Variants in TRIB3 observed in about 807,000 individuals in gnomAD.
TRIB3 encodes the protein tribbles pseudokinase 3.
Under a neutral mutation model 16.6 loss-of-function variants are expected in TRIB3, and 20 were observed. The ratio of observed to expected loss-of-function variants is 1.20; its 90% CI spans 0.85 to 1.75. The LOEUF is 1.75. Ranked by LOEUF, TRIB3 falls within the 40% of genes most tolerant of loss-of-function variation. The pLI, the probability that TRIB3 is intolerant of heterozygous loss-of-function variation, is 0.00. For synonymous variants in TRIB3, 208 were observed against 217.0 expected, an observed-to-expected ratio of 0.96 and a Z score of 0.36; for missense variants, 484 against 488.9, an observed-to-expected ratio of 0.99 and a Z score of 0.10.
At chr20:382,440 A>G in intron 1 of TRIB3, 1 of 1,227,978 alleles carries the variant, frequency 8.1e-7, no homozygotes, top group Non-Finnish European at 1.1e-6. Context: ...CAGGGCACAA[A>G]GCATGTGCAC....
At chr20:388,389 T>A in intron 2 of TRIB3, 88 bp downstream of exon 2, 1 of 1,424,754 alleles carries the variant, frequency 7.0e-7, no homozygotes, top group Non-Finnish European at 9.3e-7. Flanking sequence ...AGAGGGGTCC[T>A]TATGTTCATT....
At chr20:386,512 G>A (rs958650943) in intron 1 of TRIB3, among the ~76,000 whole-genome samples, 8 of 152,024 alleles carry the variant, frequency 5.3e-5, no homozygotes, top group Admixed American at 2.0e-4. Flanking sequence ...GGGTTCAAGC[G>A]ATTCTCCTGC....
At chr20:385,257 C>A (rs182084643) in intron 1 of TRIB3, among the ~76,000 whole-genome samples, 16 of 152,046 alleles carry the variant, frequency 1.1e-4, no homozygotes, top group Middle Eastern at 6.8e-3. Context: ...GGATTACAGG[C>A]GTGTGCCACC....
At chr20:381,898 G>A (rs960216893) in intron 1 of TRIB3, among the ~76,000 whole-genome samples, 1 of 152,176 alleles carries the variant, frequency 6.6e-6, no homozygotes, top group Non-Finnish European at 1.5e-5. Flanking sequence ...CGGGGAGGGC[G>A]GGGGACGACA....
At chr20:396,123 A>C in intron 3 of TRIB3, 75 bp from the exon 4 acceptor site, 2 of 1,537,952 alleles carry the variant, frequency 1.3e-6, no homozygotes, top group Non-Finnish European at 1.8e-6. Context: ...TGGGTGCCAC[A>C]AGGGTGATAG....
chr20:381,719 G>T (rs1389821400), intron 1 of TRIB3, among the ~76,000 whole-genome samples: 1 of 146,854 alleles, frequency 6.8e-6, no homozygotes, highest in African/African-American at 2.5e-5. Flanking sequence ...AGGGGACACC[G>T]CCGGGACAGG....
chr20:382,865 G>C (rs1295007663), intron 1 of TRIB3, among the ~76,000 whole-genome samples: 2 of 152,192 alleles, frequency 1.3e-5, no homozygotes, highest in Non-Finnish European at 2.9e-5. Flanking sequence ...CACTCATGTG[G>C]GGAGGCCTTC....
Position 388,229 on chromosome 20 carries a change from C to T in TRIB3, c.219C>T (p.Leu73=). Residue 73 remains leucine (L), a synonymous_variant, in exon 2 of 4, where the codon CTC becomes CTT. Coordinates refer to ENST00000217233, the MANE Select transcript of TRIB3 (RefSeq NM_021158.5). ...CCTCCCGTCTTGGGCCCTATGTCCTCCTGGAGCCCGAGGAGGGCGGGCGGG... is the reference window on the plus strand; with the variant it reads ...CCTCCCGTCTTGGGCCCTATGTCCTTCTGGAGCCCGAGGAGGGCGGGCGGG... ...ATASRLGPYV[L]LEPEEGGRAY... is the part of the protein sequence containing the mutation. 2 of 1,613,792 alleles carry T rather than the reference C, an allele frequency of 1.2e-6. No homozygotes were observed. Among genetic ancestry groups the T allele is most frequent in the Non-Finnish European group, 1.7e-6 (2 of 1,180,028 alleles).
At chr20:390,957 G>A (rs1283856091) in intron 2 of TRIB3, among the ~76,000 whole-genome samples, 1 of 143,292 alleles carries the variant, frequency 7.0e-6, no homozygotes, top group Non-Finnish European at 1.5e-5. Flanking sequence ...AGCTGAGATT[G>A]CGCCAGTGTG....
chr20:388,239 G>A lies in TRIB3; in HGVS notation c.229G>A (p.Glu77Lys), dbSNP rs61740293. The change falls in exon 2 of 4, where the codon GAG (glutamate) becomes AAG (lysine). Residue 77 changes from glutamate to lysine, a missense_variant. Transcript: ENST00000217233. ...TGGGCCCTATGTCCTCCTGGAGCCCGAGGAGGGCGGGCGGGCCTACCAGGC... is the reference window on the plus strand; with the variant it reads ...TGGGCCCTATGTCCTCCTGGAGCCCAAGGAGGGCGGGCGGGCCTACCAGGC... ...RLGPYVLLEP[E>K]EGGRAYQALH... is the part of the protein sequence containing the mutation. The A allele has an allele frequency of 3.0e-4, 478 of 1,613,506 alleles. No homozygotes were observed. The African/African-American group carries it at 5.4e-3, about 18-fold the overall frequency.
Position 396,455 on chromosome 20 carries a change from C to T in TRIB3, c.842C>T (p.Pro281Leu). The T allele has an allele frequency of 6.2e-7, 1 of 1,612,862 alleles. No homozygotes were observed. The highest frequency in any genetic ancestry group is 8.5e-7 in the Non-Finnish European group (1 of 1,180,000). Residue 281 changes from proline to leucine, a missense_variant, in exon 4 of 4, where the codon CCT (proline) becomes CTT (leucine). By Grantham distance (98) the Pro-to-Leu change is moderately conservative. Coordinates refer to ENST00000217233, the MANE Select transcript of TRIB3 (RefSeq NM_021158.5). ...ATCCGCCGCGGGGCCTACGCCTTGC[C>T]TGCAGGCCTCTCGGCCCCTGCCCGC... is the stretch of plus-strand genomic sequence containing the variant. ...GKIRRGAYAL[P>L]AGLSAPARCL...
intron 3 of TRIB3, among the ~76,000 whole-genome samples, chr20:392,291 C>T (rs1165377859): frequency 6.6e-6 from 1 of 152,114 alleles, no homozygotes; most frequent in Non-Finnish European, 1.5e-5. Flanking sequence ...AGATCTGACT[C>T]CAGAGCCTGG....
chr20:388,252 G>T lies in TRIB3; in HGVS notation c.242G>T (p.Arg81Leu), dbSNP rs143437909. ...CTCCTGGAGCCCGAGGAGGGCGGGC[G>T]GGCCTACCAGGCCCTGCACTGCCCT... is the stretch of plus-strand genomic sequence containing the variant. ...YVLLEPEEGG[R>L]AYQALHCPTG... The change falls in exon 2 of 4, where the codon CGG becomes CTG. Residue 81 changes from arginine (R) to leucine (L), a missense_variant. Physicochemically the swap from Arg to Leu is moderately radical, Grantham distance 102 (BLOSUM62 -2). Coordinates refer to ENST00000217233, the MANE Select transcript of TRIB3 (RefSeq NM_021158.5). 1 of 1,613,320 alleles carries T rather than the reference G, an allele frequency of 6.2e-7. No homozygotes were observed. The highest frequency in any genetic ancestry group is 2.2e-5 in the East Asian group (1 of 44,878).
Position 394,830 on chromosome 20 carries a change from A to T in TRIB3, c.585-1368A>T, listed in dbSNP as rs986893880. On this transcript the variant is annotated intron_variant, in intron 3 of 3. Coordinates refer to ENST00000217233, the MANE Select transcript of TRIB3 (RefSeq NM_021158.5). ...AAAAAAGAAAAATCACATGAGAGTC[A>T]TTGGTAGAAGAGGGACCGTGAGTTA... 5.3e-5 allele frequency among the ~76,000 whole-genome samples: 8 copies of T among 152,114 alleles called. No individual in the cohort carries two copies. In the South Asian group the frequency reaches 1.5e-3, roughly 28 times the overall value.
At position 391,421 on chromosome 20, in the gene TRIB3, G is replaced by T. The variant is rs1162672041; in HGVS notation, c.426G>T (p.Gly142=). ...LLYAFFTRTH[G]DMHSLVRSRH... ...ACGCCTTTTTCACTCGGACCCATGG[G>T]GACATGCACAGCCTGGTGCGAAGCC... The change falls in exon 3 of 4, where the codon GGG becomes GGT. Residue 142 remains glycine (G), a synonymous_variant. Transcript: ENST00000217233. The T allele has an allele frequency of 6.2e-7, 1 of 1,613,816 alleles. No homozygotes were observed. Among genetic ancestry groups the T allele is most frequent in the East Asian group, 2.2e-5 (1 of 44,894 alleles).
chr20:387,595 C>T (rs1211806581), intron 1 of TRIB3, among the ~76,000 whole-genome samples: 2 of 150,546 alleles, frequency 1.3e-5, no homozygotes, highest in Non-Finnish European at 1.5e-5. Flanking sequence ...TTCTATAACA[C>T]GTAATTCTGT....
At chr20:386,035 A>T (rs902667932) in intron 1 of TRIB3, among the ~76,000 whole-genome samples, 6 of 149,114 alleles carry the variant, frequency 4.0e-5, no homozygotes, top group Middle Eastern at 3.4e-3. Context: ...TTAAAAAAAA[A>T]TTTTTTTTTG....
Position 390,881 on chromosome 20 carries a change from A to T in TRIB3, c.292-406A>T, listed in dbSNP as rs11907666. ...GCTAGGTGCGGTGGCACATGCCTGT[A>T]ATCCCAGCTACACTGGGGGCTGAAG... On this transcript the variant is annotated intron_variant, in intron 2 of 3. Transcript: ENST00000217233. 2.5e-3 allele frequency among the ~76,000 whole-genome samples: 381 copies of T among 152,002 alleles called. 3 individuals are homozygous for T. Among genetic ancestry groups the T allele is most frequent in the African/African-American group, 8.5e-3 (354 of 41,464 alleles).
At chr20:388,328 C>G in intron 2 of TRIB3, 27 bp downstream of exon 2, 7 of 1,577,682 alleles carry the variant, frequency 4.4e-6, no homozygotes, top group Non-Finnish European at 6.0e-6. Context: ...GGCTGTCCCC[C>G]AGCACCACAG....
Sources: allele counts gnomAD v4.1 joint callset (sites outside exome capture counted in the v4.1 genomes callset), GRCh38; gene constraint gnomAD v4.1.1; transcripts MANE v1.5; gene names NCBI Gene and HGNC (gene_info 2026-07-23, HGNC 2026-07-21).